The following FOXP2 variants were observed in gnomAD, a reference collection of about 807,000 sequenced individuals.
FOXP2 encodes forkhead box P2, also known as forkhead box protein P2.
Under a neutral mutation model 115.8 loss-of-function variants are expected in FOXP2, and 12 were observed. The observed-to-expected ratio is 0.10, with a 90% confidence interval of 0.07 to 0.17. The LOEUF is 0.17. Ranked by LOEUF, FOXP2 falls within the 10% of genes least tolerant of loss-of-function variation. The pLI, the probability that FOXP2 is intolerant of heterozygous loss-of-function variation, is 1.00. For synonymous variants in FOXP2, 328 were observed against 297.7 expected, an observed-to-expected ratio of 1.10 and a Z score of -1.05; for missense variants, 629 against 843.5, an observed-to-expected ratio of 0.75 and a Z score of 3.15.
intron 16 of FOXP2, chr7:114,665,576 A>G (rs1464876199): frequency 6.6e-6 from 1 of 152,062 alleles, no homozygotes; most frequent in East Asian, 1.9e-4. Flanking sequence ...CATATGTCTA[A>G]TTGCTTTATA....
intron 16 of FOXP2, among the ~76,000 whole-genome samples, chr7:114,676,151 A>G (rs1322720288): frequency 7.1e-6 from 1 of 141,530 alleles, no homozygotes; most frequent in African/African-American, 2.7e-5. Flanking sequence ...CTGGTCTCGA[A>G]CTCCTGACCT....
intron 3 of FOXP2, among the ~76,000 whole-genome samples, chr7:114,610,840 G>T (rs1171584068): frequency 6.6e-6 from 1 of 150,592 alleles, no homozygotes; most frequent in Non-Finnish European, 1.5e-5. Context: ...TCCCCATATT[G>T]CCCAGGCTGG....
rs1338680914 is a variant in FOXP2 at position 114,422,839 on chromosome 7, A to ATAAC, written c.-10-3661_-10-3658dup. 3.3e-5 allele frequency among the ~76,000 whole-genome samples: 5 copies of ATAAC among 151,864 alleles called. No homozygotes were observed. In the East Asian group the frequency reaches 9.7e-4, roughly 30 times the overall value. On this transcript the variant is annotated intron_variant, in intron 1 of 16. Transcript: ENST00000350908. ...ATACAGTTTTATACCAATAGAACAT[A>ATAAC]TAACTCTACGAGGAAGAAATAAAAC...
intron 1 of FOXP2, among the ~76,000 whole-genome samples, chr7:114,112,329 C>A (rs1289034641): frequency 6.6e-6 from 1 of 151,806 alleles, no homozygotes; most frequent in Non-Finnish European, 1.5e-5. Context: ...AAGGGTCAAA[C>A]TCTGTGGCCC....
At chr7:114,182,817 G>T (rs920153591) in intron 1 of FOXP2, among the ~76,000 whole-genome samples, 1 of 151,898 alleles carries the variant, frequency 6.6e-6, no homozygotes, top group Non-Finnish European at 1.5e-5. Flanking sequence ...TTTTGATTAG[G>T]AAAAATGATT....
intron 1 of FOXP2, among the ~76,000 whole-genome samples, chr7:114,120,698 A>ATGTGTG (rs111628410): frequency 0.14 from 21,137 of 149,322 alleles, 3,033 homozygotes; most frequent in African/African-American, 0.37. Flanking sequence ...GTGTATATGT[A>ATGTGTG]TGTGTGTGTG....
chr7:114,213,006 T>C (rs1171970304), intron 1 of FOXP2, among the ~76,000 whole-genome samples: 1 of 152,226 alleles, frequency 6.6e-6, no homozygotes, highest in Non-Finnish European at 1.5e-5. Context: ...GTTGCTGAAT[T>C]TGACTTACAG....
At chr7:114,372,840 G>A (rs547579439) in intron 2 of FOXP2, among the ~76,000 whole-genome samples, 20 of 152,038 alleles carry the variant, frequency 1.3e-4, no homozygotes, top group East Asian at 3.9e-4. Context: ...TGTAGATTGC[G>A]TAACATGTTT....
At chr7:114,392,717 A>G (rs1358486616) in intron 2 of FOXP2, among the ~76,000 whole-genome samples, 1 of 152,178 alleles carries the variant, frequency 6.6e-6, no homozygotes, top group Non-Finnish European at 1.5e-5. Context: ...TAATCCCAAG[A>G]CCTACAACCT....
intron 2 of FOXP2, among the ~76,000 whole-genome samples, chr7:114,509,562 C>T (rs1252150463): frequency 4.7e-5 from 7 of 150,186 alleles, no homozygotes; most frequent in Non-Finnish European, 7.4e-5. Flanking sequence ...GTGAGTATGT[C>T]GGAGATAAAG....
At position 114,693,197 on chromosome 7, in the gene FOXP2, AC is replaced by A; in HGVS notation, c.*3272del. On this transcript the variant is annotated 3_prime_UTR_variant, in exon 17 of 17. Transcript: ENST00000350908. ...GTTACAAGTATTTGGTAGAATTACC[AC>A]TAACTGGGTTTTCTTTAGATAACTC... 2.2e-6 allele frequency: 1 copy of A among 452,750 alleles called. No individual in the cohort carries two copies. The highest frequency in any genetic ancestry group is 2.4e-5 in the Admixed American group (1 of 42,446). 28.0% of individuals were successfully genotyped at this position (452,750 alleles called of 1,614,324 possible). A position where few individuals can be genotyped will look rare whatever the true frequency, so the allele number is the denominator to read the frequency against.
chr7:114,517,506 G>A (rs890866001), intron 2 of FOXP2, among the ~76,000 whole-genome samples: 1 of 152,110 alleles, frequency 6.6e-6, no homozygotes, highest in African/African-American at 2.4e-5. Flanking sequence ...TGAGATGAGG[G>A]TTCAATTTCG....
At chr7:114,131,601 G>T (rs945043021) in intron 1 of FOXP2, among the ~76,000 whole-genome samples, 1 of 152,102 alleles carries the variant, frequency 6.6e-6, no homozygotes, top group African/African-American at 2.4e-5. Flanking sequence ...GTAAAAAAAG[G>T]ATAACTGTAG....
At chr7:114,464,109 G>A (rs1434725877) in intron 2 of FOXP2, among the ~76,000 whole-genome samples, 1 of 152,110 alleles carries the variant, frequency 6.6e-6, no homozygotes, top group Admixed American at 6.6e-5. Flanking sequence ...CCTGTAAGTT[G>A]ATAACATTTG....
At chr7:114,161,424 A>G (rs748638505), upstream of FOXP2, among the ~76,000 whole-genome samples, 4 of 152,164 alleles carry the variant, frequency 2.6e-5, no homozygotes. Flanking sequence ...TTGTGATCAG[A>G]TAGATGATGG....
At chr7:114,564,645 C>T (rs894017264) in intron 3 of FOXP2, among the ~76,000 whole-genome samples, 3 of 151,728 alleles carry the variant, frequency 2.0e-5, no homozygotes, top group Admixed American at 6.6e-5. Context: ...TTTGGGAGGC[C>T]GAGGTGGGAG....
chr7:114,557,384 A>G (rs1800516090), intron 3 of FOXP2, among the ~76,000 whole-genome samples: 1 of 152,220 alleles, frequency 6.6e-6, no homozygotes, highest in South Asian at 2.1e-4. Flanking sequence ...ATTTTCCATT[A>G]GATGTAGTCT....
At chr7:114,434,360 A>G (rs969404797) in intron 2 of FOXP2, among the ~76,000 whole-genome samples, 1 of 148,186 alleles carries the variant, frequency 6.7e-6, no homozygotes, top group Non-Finnish European at 1.5e-5. Context: ...TCCTAAATTT[A>G]GATTGTTTTT....
intron 2 of FOXP2, among the ~76,000 whole-genome samples, chr7:114,394,498 ACTC>A (rs972161848): frequency 6.6e-6 from 1 of 152,016 alleles, no homozygotes; most frequent in African/African-American, 2.4e-5. Flanking sequence ...TTTCAAAATA[ACTC>A]CCAACAAAAT....
Sources: gnomAD v4.1 joint callset for allele counts (sites outside exome capture counted in the v4.1 genomes callset) on GRCh38, gnomAD v4.1.1 for gene constraint, MANE v1.5 for transcripts, NCBI Gene and HGNC (gene_info 2026-07-23, HGNC 2026-07-21) for gene names.